The following SLC22A2 variants were observed in gnomAD, a reference collection of about 807,000 sequenced individuals.
The protein encoded by SLC22A2 is solute carrier family 22 member 2.
Under a neutral mutation model 60.5 loss-of-function variants are expected in SLC22A2, and 46 were observed. The ratio of observed to expected loss-of-function variants is 0.76; its 90% confidence interval spans 0.60 to 0.97. The LOEUF is 0.97. Ranked by LOEUF, SLC22A2 falls within the 50% of genes least tolerant of loss-of-function variation. The pLI, the probability that SLC22A2 is intolerant of heterozygous loss-of-function variation, is 0.00. For synonymous variants in SLC22A2, 303 were observed against 267.0 expected (o/e 1.13, Z -1.31); for missense variants, 701 against 706.6 (o/e 0.99, Z 0.09).
At chr6:160,225,223 A>G (rs115860326) in intron 9 of SLC22A2, among the ~76,000 whole-genome samples, 150 of 152,334 alleles carry the variant, frequency 9.8e-4, no homozygotes, top group African/African-American at 3.5e-3. Flanking sequence ...TTATGTATCT[A>G]TTACTATGTA....
chr6:160,221,215 A>G (rs73600497), intron 10 of SLC22A2, among the ~76,000 whole-genome samples: 1,819 of 152,296 alleles, frequency 0.012, 53 homozygotes, highest in African/African-American at 0.042. Context: ...TTCATTTTGC[A>G]CTTTCAAGTT....
chr6:160,240,605 T>C (rs1047175801), intron 9 of SLC22A2, among the ~76,000 whole-genome samples: 1 of 152,210 alleles, frequency 6.6e-6, no homozygotes, highest in African/African-American at 2.4e-5. Context: ...GGGTGTTGCA[T>C]GACTCAACCT....
intron 1 of SLC22A2, 69 bp downstream of exon 1, chr6:160,258,275 C>G: frequency 6.6e-7 from 1 of 1,514,400 alleles, no homozygotes; most frequent in Non-Finnish European, 8.8e-7. Flanking sequence ...CCGGGCCTTC[C>G]CTGCTTGCTT....
intron 10 of SLC22A2, among the ~76,000 whole-genome samples, chr6:160,222,246 C>A (rs1782654966): frequency 6.6e-6 from 1 of 152,126 alleles, no homozygotes; most frequent in Non-Finnish European, 1.5e-5. Flanking sequence ...AGGAACCAAT[C>A]GACACTTAAT....
intron 9 of SLC22A2, among the ~76,000 whole-genome samples, chr6:160,225,521 G>A (rs1282982540): frequency 6.6e-6 from 1 of 152,150 alleles, no homozygotes; most frequent in African/African-American, 2.4e-5. Context: ...GGCTGAATTA[G>A]AAGCTGCAGG....
intron 9 of SLC22A2, among the ~76,000 whole-genome samples, chr6:160,231,124 C>G (rs532502877): frequency 6.6e-6 from 1 of 151,898 alleles, no homozygotes; most frequent in Non-Finnish European, 1.5e-5. Flanking sequence ...TCCCTTGCCT[C>G]CATAACTGTT....
intron 9 of SLC22A2, among the ~76,000 whole-genome samples, chr6:160,228,675 A>G (rs1376354721): frequency 6.6e-6 from 1 of 152,216 alleles, no homozygotes; most frequent in East Asian, 1.9e-4. Flanking sequence ...GCCCAAGCTA[A>G]GCCATCATAT....
chr6:160,243,770 G>T lies in SLC22A2; in HGVS notation c.1081C>A (p.Leu361Ile), dbSNP rs191885672. The T allele has an allele frequency of 3.5e-5, 56 of 1,613,420 alleles. No homozygotes were observed. The Admixed American group carries it at 6.5e-4, about 19-fold the overall frequency. Residue 361 changes from leucine (L) to isoleucine (I), a missense_variant, in exon 7 of 11, where the codon CTC becomes ATC. By Grantham distance (5) the Leu-to-Ile change is conservative. Transcript: ENST00000366953. ...ATGTGCATGATGAGGCCCTGGTAGA[G>T]CACAGAGCTCGTGAACCTGAGCAAA... ...LMYNWFTSSV[L>I]YQGLIMHMGL...
Position 160,250,633 on chromosome 6 carries a change from A to T in SLC22A2, c.588T>A (p.Ile196=). ...TTAACATCCACGTATAGGTTGGGGA[A>T]ATGGCCATGAGAACTCCAGCTGCAG... The part of the protein sequence containing the change: ...INAAAGVLMA[I]SPTYTWMLIF... The change falls in exon 3 of 11, where the codon ATT becomes ATA. Residue 196 remains isoleucine, a synonymous_variant. Transcript: ENST00000366953. 1 of 1,614,060 alleles carries T rather than the reference A, an allele frequency of 6.2e-7. No individual in the cohort carries two copies.
At chr6:160,242,256 C>T (rs118018039) in intron 8 of SLC22A2, 38 bp downstream of exon 8, 1 of 1,090,342 alleles carries the variant, frequency 9.2e-7, no homozygotes, top group African/African-American at 1.5e-5. Flanking sequence ...GAACAAATGT[C>T]TCACCCACCC....
chr6:160,229,404 A>T (rs917846302), intron 9 of SLC22A2, among the ~76,000 whole-genome samples: 2 of 151,852 alleles, frequency 1.3e-5, no homozygotes, highest in African/African-American at 4.9e-5. Flanking sequence ...TCATGTGGGG[A>T]TGCCTGCCTG....
At chr6:160,224,947 G>A in intron 9 of SLC22A2, 143 bp from the exon 10 acceptor site, 1 of 464,206 alleles carries the variant, frequency 2.2e-6, no homozygotes, top group Non-Finnish European at 3.8e-6. Context: ...TCTGACTGCT[G>A]TATTTTCCAT....
At chr6:160,217,623 G>T in intron 10 of SLC22A2, 125 bp from the exon 11 acceptor site, 1 of 627,892 alleles carries the variant, frequency 1.6e-6, no homozygotes, top group Non-Finnish European at 2.8e-6. Flanking sequence ...GATTAGTCTT[G>T]CAATGTGTTC....
chr6:160,245,624 T>C (rs1462069661), intron 5 of SLC22A2, 79 bp from the exon 6 acceptor site: 8 of 786,504 alleles, frequency 1.0e-5, no homozygotes, highest in African/African-American at 6.1e-5. Context: ...AACAATAATT[T>C]CTTACCGTCC....
intron 8 of SLC22A2, 70 bp downstream of exon 8, chr6:160,242,224 A>G (rs1196672926): frequency 1.2e-6 from 1 of 859,602 alleles, no homozygotes. Flanking sequence ...CTTTGTCTGC[A>G]CTTGTGGTGG....
At chr6:160,223,777 G>T (rs543480448) in intron 10 of SLC22A2, among the ~76,000 whole-genome samples, 1 of 152,054 alleles carries the variant, frequency 6.6e-6, no homozygotes, top group Admixed American at 6.5e-5. Context: ...GCCCAGGCTG[G>T]AGTGCAGTGG....
intron 9 of SLC22A2, among the ~76,000 whole-genome samples, chr6:160,225,580 C>T (rs479078): frequency 0.69 from 104,466 of 152,004 alleles, 38,157 homozygotes; most frequent in Admixed American, 0.81. Flanking sequence ...TGGCCCCTTA[C>T]ATACTGGTCT....
At chr6:160,221,276 G>A (rs1382899824) in intron 10 of SLC22A2, among the ~76,000 whole-genome samples, 2 of 152,232 alleles carry the variant, frequency 1.3e-5, no homozygotes, top group African/African-American at 4.8e-5. Context: ...TACTAACTTC[G>A]AATTTTTCTT....
chr6:160,258,558 G>A lies in SLC22A2; in HGVS notation c.200C>T (p.Pro67Leu), dbSNP rs145369394. The A allele has an allele frequency of 9.4e-5, 152 of 1,613,896 alleles. No individual in the cohort carries two copies. In the African/African-American group the frequency reaches 1.7e-3, roughly 18 times the overall value. ...CACCGTGTAGTTCAGTTCCTCTGCA[G>A]GACTCCAGCCGCAGCGCAGACTCAG... ...AELSLRCGWS[P>L]AEELNYTVPG... is the part of the protein sequence containing the mutation. Residue 67 changes from proline to leucine, a missense_variant, in exon 1 of 11, where the codon CCT (proline) becomes CTT (leucine). Transcript: ENST00000366953.
Sources: allele counts gnomAD v4.1 joint callset (sites outside exome capture counted in the v4.1 genomes callset), GRCh38; gene constraint gnomAD v4.1.1; transcripts MANE v1.5; gene names NCBI Gene and HGNC (gene_info 2026-07-23, HGNC 2026-07-21).